Variants in PCDHGA11 observed in about 807,000 individuals in gnomAD.
PCDHGA11 encodes the protein protocadherin gamma-A11.
PCDHGA11 carries 39 observed loss-of-function variants against 60.4 expected under a neutral mutation model. That is an observed-to-expected ratio of 0.65 (90% CI 0.50 to 0.84). The LOEUF (loss-of-function observed/expected upper bound fraction) is 0.84. Among genes scored for constraint, PCDHGA11 ranks in the 40% least tolerant of loss-of-function variants. The pLI, the probability that PCDHGA11 is intolerant of heterozygous loss-of-function variation, is 0.00. For missense variants in PCDHGA11, 1,165 were observed against 1,197.7 expected (o/e 0.97, Z 0.40); for synonymous variants, 533 against 510.3 (o/e 1.04, Z -0.60).
intron 1 of PCDHGA11, chr5:141,441,728 G>T: frequency 2.8e-6 from 1 of 361,966 alleles, no homozygotes. Flanking sequence ...CCCGCGACCA[G>T]GACTAGCTCG....
chr5:141,476,205 C>G lies in PCDHGA11; in HGVS notation c.2434-18602C>G. ...CTGCTTGGTGCCTTGAACAAGGCTT[C>G]CACGGTCATTCACTATGAGATCCCG... On this transcript the variant is annotated intron_variant, in intron 1 of 3. Transcript: ENST00000398587. The surrounding 1 kb of genome is among the most constrained non-coding windows in gnomAD (Gnocchi z 7.6). 1 of 1,613,892 alleles carries G rather than the reference C, an allele frequency of 6.2e-7. No homozygotes were observed. Among genetic ancestry groups the G allele is most frequent in the Non-Finnish European group, 8.5e-7 (1 of 1,180,012 alleles).
chr5:141,477,532 C>A lies in PCDHGA11; in HGVS notation c.2434-17275C>A. 6.2e-7 allele frequency: 1 copy of A among 1,614,146 alleles called. No individual in the cohort carries two copies. The highest frequency in any genetic ancestry group is 8.5e-7 in the Non-Finnish European group (1 of 1,180,028). ...TTTACATTGAAGAAAACAACCTCCC[C>A]GGGGCTCCAATACTAAACCTAAGTG... On this transcript the variant is annotated intron_variant, in intron 1 of 3. Coordinates refer to ENST00000398587, the MANE Select transcript of PCDHGA11 (RefSeq NM_018914.3). The surrounding 1 kb of genome is among the most constrained non-coding windows in gnomAD (Gnocchi z 4.9).
intron 1 of PCDHGA11, chr5:141,442,507 G>C (rs1394231840): frequency 1.3e-5 from 2 of 152,208 alleles, no homozygotes; most frequent in Non-Finnish European, 1.5e-5. Flanking sequence ...TATTCTAATT[G>C]CTTGGGCAGA....
rs533857281 is a variant in PCDHGA11 at position 141,429,742 on chromosome 5, T to C, written c.2433+6082T>C. Among the ~76,000 whole-genome samples the C allele has an allele frequency of 3.8e-4, 58 of 152,336 alleles. 1 individual carries two copies. Among genetic ancestry groups the C allele is most frequent in the Admixed American group, 2.0e-4 (3 of 15,302 alleles). Reference sequence around the variant, plus strand: ...ATGAAAGTACGTAGCCAGTTATTTCTTAGGGAGAATTTTTTCCCTATATTT... The same window carrying C: ...ATGAAAGTACGTAGCCAGTTATTTCCTAGGGAGAATTTTTTCCCTATATTT... On this transcript the variant is annotated intron_variant, in intron 1 of 3. Transcript: ENST00000398587.
rs144695545 is a variant in PCDHGA11, at chr5:141,487,156, C to G, written c.2434-7651C>G. ...CACCACTCTCTACCTCTGTTACTCT[C>G]TTAGTGTCCTTAGAGGAAGACACTC... On this transcript the variant is annotated intron_variant, in intron 1 of 3. Transcript: ENST00000398587. This position sits in a 1 kb window ranked among gnomAD's most constrained non-coding sequence, Gnocchi z 5.0. 105 of 1,613,896 alleles carry G rather than the reference C, an allele frequency of 6.5e-5. No homozygotes were observed. In the African/African-American group the frequency reaches 1.2e-3, roughly 18 times the overall value.
At chr5:141,473,974 C>A (rs958240236) in intron 1 of PCDHGA11, among the ~76,000 whole-genome samples, 1 of 152,054 alleles carries the variant, frequency 6.6e-6, no homozygotes, top group Non-Finnish European at 1.5e-5. Flanking sequence ...AAGTCTGAGG[C>A]GGGAGGATCC....
At chr5:141,502,274 A>G (rs573517581) in intron 2 of PCDHGA11, among the ~76,000 whole-genome samples, 18 of 152,128 alleles carry the variant, frequency 1.2e-4, no homozygotes, top group African/African-American at 4.1e-4. Context: ...ATCAAGGAGC[A>G]TAGATTGCAT....
intron 1 of PCDHGA11, among the ~76,000 whole-genome samples, chr5:141,456,499 A>C (rs1283501704): frequency 6.6e-6 from 1 of 152,210 alleles, no homozygotes; most frequent in Non-Finnish European, 1.5e-5. Flanking sequence ...AAAGGGGTTA[A>C]CCAATTCCAT....
In PCDHGA11 at chr5:141,422,349, T is replaced by C. The variant is rs768693451; in HGVS notation, c.1122T>C (p.Asp374=). 6.1e-5 allele frequency: 95 copies of C among 1,554,604 alleles called. No individual in the cohort carries two copies. The highest frequency in any genetic ancestry group is 8.2e-5 in the Non-Finnish European group (95 of 1,155,868). The stretch of plus-strand genomic sequence containing the variant: ...TGATTGCTCTTCTAAATGTGCAAGA[T>C]CAAGATTCTGGAGAAAATGGTCAAG... ...GTVIALLNVQ[D]QDSGENGQVS... Residue 374 remains aspartate (D), a synonymous_variant, in exon 1 of 4, where the codon GAT becomes GAC. Coordinates refer to ENST00000398587, the MANE Select transcript of PCDHGA11 (RefSeq NM_018914.3).
rs1184232947 is a variant in PCDHGA11 at position 141,487,060 on chromosome 5, G to T, written c.2434-7747G>T. ...TCTCTCGATATGCTGGGGAGGTGCG[G>T]ACGGCTGTTCCTATCCCAGCTGACC... On this transcript the variant is annotated intron_variant, in intron 1 of 3. Transcript: ENST00000398587. This position sits in a 1 kb window ranked among gnomAD's most constrained non-coding sequence, Gnocchi z 5.0. The T allele has an allele frequency of 1.9e-6, 3 of 1,614,182 alleles. No individual in the cohort carries two copies. In the East Asian group the frequency reaches 6.7e-5, roughly 36 times the overall value.
At chr5:141,430,911 A>T (rs544678317) in intron 1 of PCDHGA11, 4 of 1,607,840 alleles carry the variant, frequency 2.5e-6, no homozygotes, top group Non-Finnish European at 3.4e-6. Context: ...ATCTCCAGGG[A>T]CCTGGGGCTG....
intron 1 of PCDHGA11, among the ~76,000 whole-genome samples, chr5:141,433,761 T>G (rs2154555909): frequency 6.7e-6 from 1 of 148,664 alleles, no homozygotes; most frequent in Admixed American, 6.8e-5. Context: ...TGCTTTAACC[T>G]GGGAGGTGGA....
intron 1 of PCDHGA11, chr5:141,427,300 A>G: frequency 2.2e-6 from 1 of 456,912 alleles, no homozygotes; most frequent in Non-Finnish European, 4.4e-6. Flanking sequence ...CTAGATGAGA[A>G]TGACAATGCC....
intron 1 of PCDHGA11, among the ~76,000 whole-genome samples, chr5:141,452,019 C>T (rs1227308101): frequency 3.3e-5 from 5 of 152,194 alleles, no homozygotes; most frequent in African/African-American, 1.2e-4. Flanking sequence ...AGCCCACACT[C>T]TGGGGAGATG....
At chr5:141,496,583 C>A (rs990137003) in intron 2 of PCDHGA11, among the ~76,000 whole-genome samples, 1 of 152,168 alleles carries the variant, frequency 6.6e-6, no homozygotes, top group African/African-American at 2.4e-5. Flanking sequence ...TTTAGGAACG[C>A]AAAGCGCTTC....
chr5:141,494,736 T>A, intron 1 of PCDHGA11, 71 bp from the exon 2 acceptor site: 2 of 1,611,858 alleles, frequency 1.2e-6, no homozygotes, highest in Non-Finnish European at 1.7e-6. Flanking sequence ...TCCCGGCCCA[T>A]CCCTAGGGGC....
intron 2 of PCDHGA11, among the ~76,000 whole-genome samples, chr5:141,497,212 G>A (rs968445663): frequency 6.6e-6 from 1 of 150,900 alleles, no homozygotes; most frequent in Non-Finnish European, 1.5e-5. Flanking sequence ...AGTGTAATGG[G>A]GGGGGGAAGA....
At position 141,432,135 on chromosome 5, in the gene PCDHGA11, C is replaced by T; in HGVS notation, c.2433+8475C>T. On this transcript the variant is annotated intron_variant, in intron 1 of 3. Transcript: ENST00000398587. This position sits in a 1 kb window ranked among gnomAD's most constrained non-coding sequence, Gnocchi z 6.0. ...GTCTTCCCTCAGGCCTCCTATTCCGCTTATATCCCAGAGAACAATCCCAGA... is the reference window on the plus strand; with the variant it reads ...GTCTTCCCTCAGGCCTCCTATTCCGTTTATATCCCAGAGAACAATCCCAGA... The T allele has an allele frequency of 6.2e-7, 1 of 1,614,140 alleles. No homozygotes were observed. Among genetic ancestry groups the T allele is most frequent in the Non-Finnish European group, 8.5e-7 (1 of 1,180,026 alleles).
At chr5:141,510,862 C>T (rs764422869) in intron 3 of PCDHGA11, 85 bp from the exon 4 acceptor site, 22 of 1,606,772 alleles carry the variant, frequency 1.4e-5, no homozygotes, top group Non-Finnish European at 1.7e-5. Flanking sequence ...GCTGTATAGG[C>T]ATTCATTAAC....
Sources: gnomAD v4.1 joint callset for allele counts (sites outside exome capture counted in the v4.1 genomes callset) on GRCh38, gnomAD v4.1.1 for gene constraint, Gnocchi (gnomAD v3.1) non-coding constraint, MANE v1.5 for transcripts, NCBI Gene and HGNC (gene_info 2026-07-23, HGNC 2026-07-21) for gene names.